The following SEC22B variants were observed in gnomAD, a reference collection of about 807,000 sequenced individuals.
SEC22B encodes the protein vesicle-trafficking protein SEC22b.
SEC22B carries 10 observed loss-of-function variants against 31.4 expected under a neutral mutation model. The ratio of observed to expected loss-of-function variants is 0.32; its 90% CI spans 0.20 to 0.54. SEC22B has a LOEUF of 0.54. Ranked by LOEUF, SEC22B falls within the 20% of genes least tolerant of loss-of-function variation. The pLI, the probability that SEC22B is intolerant of heterozygous loss-of-function variation, is 0.94. For synonymous variants in SEC22B, 60 were observed against 95.9 expected (o/e 0.63, Z 2.19); for missense variants, 130 against 263.4 (o/e 0.49, Z 3.50).
At position 120,152,860 on chromosome 1, in the gene SEC22B, C is replaced by T. The variant is rs1339339707; in HGVS notation, c.*4178G>A. Reference sequence around the variant, plus strand: ...AAATAATAATTTGGTATCTAGCAGGCCTGGATTTGAATCTACTTTAACTTG... The same window carrying T: ...AAATAATAATTTGGTATCTAGCAGGTCTGGATTTGAATCTACTTTAACTTG... On this transcript the variant is annotated 3_prime_UTR_variant, in exon 5 of 5. Coordinates refer to ENST00000578049, the MANE Select transcript of SEC22B (RefSeq NM_004892.6). 3 of 144,634 alleles carry T rather than the reference C, an allele frequency of 2.1e-5. No individual in the cohort carries two copies. In the East Asian group the frequency reaches 6.0e-4, roughly 29 times the overall value. The allele number at this position is 144,634 out of a possible 1,614,324, so 9.0% of individuals were successfully genotyped here. A position where few individuals can be genotyped will look rare whatever the true frequency, so the allele number is the denominator to read the frequency against.
intron 1 of SEC22B, 126 bp from the exon 2 acceptor site, chr1:120,169,075 C>T (rs1236443213): frequency 7.5e-5 from 28 of 373,452 alleles, no homozygotes; most frequent in Admixed American, 1.4e-4. Flanking sequence ...TTCATTTTAA[C>T]GGAGGAAAGA....
At chr1:120,160,986 C>G (rs1457152818) in intron 3 of SEC22B, among the ~76,000 whole-genome samples, 1 of 151,834 alleles carries the variant, frequency 6.6e-6, no homozygotes, top group African/African-American at 2.4e-5. Flanking sequence ...ATATCAAAAT[C>G]TAGGCTTTGA....
intron 2 of SEC22B, among the ~76,000 whole-genome samples, chr1:120,168,588 C>G (rs1657848054): frequency 6.6e-6 from 1 of 150,782 alleles, no homozygotes; most frequent in African/African-American, 2.5e-5. Flanking sequence ...CAAGACAGTC[C>G]TAAAGCAAGA....
At chr1:120,174,186 G>A in intron 1 of SEC22B, among the ~76,000 whole-genome samples, 1 of 152,088 alleles carries the variant, frequency 6.6e-6, no homozygotes, top group Non-Finnish European at 1.5e-5. Flanking sequence ...TCCTCTCTAA[G>A]CCTCAGAGCT....
chr1:120,171,078 T>G (rs1363499048), intron 1 of SEC22B, among the ~76,000 whole-genome samples: 1 of 131,702 alleles, frequency 7.6e-6, no homozygotes, highest in Non-Finnish European at 1.5e-5. Flanking sequence ...AACCTTGGCT[T>G]CACAATAGAA....
rs1570864183 is a variant in SEC22B, at chr1:120,155,768, T to A, written c.*1270A>T. On this transcript the variant is annotated 3_prime_UTR_variant, in exon 5 of 5. Transcript: ENST00000578049. ...ATATTTAAAAGGCCTATTTTCCCCA[T>A]TAAAAAATTCTACCTCAGAAGGTAA... 1.3e-5 allele frequency: 2 copies of A among 152,078 alleles called. No homozygotes were observed. Among genetic ancestry groups the A allele is most frequent in the African/African-American group, 4.8e-5 (2 of 41,444 alleles). 9.4% of individuals were successfully genotyped at this position (152,078 alleles called of 1,614,324 possible). A position where few individuals can be genotyped will look rare whatever the true frequency, so the allele number is the denominator to read the frequency against.
At position 120,153,826 on chromosome 1, in the gene SEC22B, T is replaced by C. The variant is rs1553229028; in HGVS notation, c.*3212A>G. The stretch of plus-strand genomic sequence containing the variant: ...AGTCTTTGAACAGCCTGAAACAGTA[T>C]GTGATACTTGATGTGCATGTACACA... On this transcript the variant is annotated 3_prime_UTR_variant, in exon 5 of 5. Transcript: ENST00000578049. The C allele has an allele frequency of 7.0e-6, 1 of 143,148 alleles. No homozygotes were observed. Among genetic ancestry groups the C allele is most frequent in the Non-Finnish European group, 1.5e-5 (1 of 66,382 alleles). The allele number at this position is 143,148 out of a possible 1,614,324, so 8.9% of individuals were successfully genotyped here.
intron 1 of SEC22B, among the ~76,000 whole-genome samples, chr1:120,169,602 T>C (rs1657864972): frequency 6.6e-6 from 1 of 150,528 alleles, no homozygotes; most frequent in African/African-American, 2.4e-5. Flanking sequence ...AGCATTCACA[T>C]GTTATAATTA....
intron 2 of SEC22B, among the ~76,000 whole-genome samples, chr1:120,166,852 G>C (rs1320153095): frequency 1.4e-4 from 18 of 133,290 alleles, no homozygotes; most frequent in Non-Finnish European, 2.8e-4. Context: ...ACTCTGATTT[G>C]ATTACACATT....
chr1:120,175,870 C>A (rs1657952406), intron 1 of SEC22B, among the ~76,000 whole-genome samples: 3 of 152,180 alleles, frequency 2.0e-5, no homozygotes, highest in Non-Finnish European at 2.9e-5. Context: ...TATTACCTCA[C>A]CCACTTTCAA....
At chr1:120,161,682 G>C in intron 3 of SEC22B, among the ~76,000 whole-genome samples, 2 of 151,990 alleles carry the variant, frequency 1.3e-5, no homozygotes. Flanking sequence ...CTGGGCAATA[G>C]AGCGAGACTC....
intron 4 of SEC22B, chr1:120,157,725 T>C (rs1455710486): frequency 6.8e-6 from 1 of 147,188 alleles, no homozygotes; most frequent in Non-Finnish European, 1.5e-5. Context: ...AACCAGAAAA[T>C]TCAATTAACC....
chr1:120,170,435 C>A (rs1657877710), intron 1 of SEC22B, among the ~76,000 whole-genome samples: 2 of 144,318 alleles, frequency 1.4e-5, no homozygotes, highest in Admixed American at 1.3e-4. Flanking sequence ...GATAAAGTGG[C>A]AGATCAGCAA....
intron 2 of SEC22B, among the ~76,000 whole-genome samples, chr1:120,167,406 C>T (rs1478256286): frequency 0.19 from 29,243 of 151,734 alleles, 3,289 homozygotes; most frequent in Non-Finnish European, 0.26. Context: ...TTTTTCTAAC[C>T]GTTAATGCTC....
At chr1:120,159,573 A>C (rs1459527249) in intron 4 of SEC22B, among the ~76,000 whole-genome samples, 11 of 149,844 alleles carry the variant, frequency 7.3e-5, no homozygotes, top group Non-Finnish European at 1.5e-4. Context: ...GGTAAGAGGT[A>C]TTTAATAAAT....
In SEC22B at chr1:120,156,186, C is replaced by T. The variant is rs1175309150; in HGVS notation, c.*852G>A. ...AAAGTAAAGAAGGGGCAGGAGAAAG[C>T]TGTAATTATAACCTGGGCCTGCCTT... is the stretch of plus-strand genomic sequence containing the variant. On this transcript the variant is annotated 3_prime_UTR_variant, in exon 5 of 5. Coordinates refer to ENST00000578049, the MANE Select transcript of SEC22B (RefSeq NM_004892.6). The T allele has an allele frequency of 6.6e-6, 1 of 151,860 alleles. No individual in the cohort carries two copies. The highest frequency in any genetic ancestry group is 2.4e-5 in the African/African-American group (1 of 41,378). 9.4% of individuals were successfully genotyped at this position (151,860 alleles called of 1,614,324 possible). A position where few individuals can be genotyped will look rare whatever the true frequency, so the allele number is the denominator to read the frequency against.
intron 2 of SEC22B, among the ~76,000 whole-genome samples, chr1:120,165,206 C>A (rs1657787833): frequency 6.6e-6 from 1 of 151,996 alleles, no homozygotes; most frequent in Admixed American, 6.6e-5. Flanking sequence ...TAAACTCTTT[C>A]CAGCCACAAA....
At chr1:120,167,587 TA>T in intron 2 of SEC22B, among the ~76,000 whole-genome samples, 1 of 152,162 alleles carries the variant, frequency 6.6e-6, no homozygotes, top group South Asian at 2.1e-4. Context: ...ACATTTCATT[TA>T]AATCTAATTT....
Position 120,151,001 on chromosome 1 carries a change from GA to G in SEC22B, c.*6036del, listed in dbSNP as rs1657521473. ...GGAGAACCCAGTCTCAGTGTCAAGAGAAAGATGTTAATCCATCTTAGCAACC... is the reference window on the plus strand; with the variant it reads ...GGAGAACCCAGTCTCAGTGTCAAGAGAAGATGTTAATCCATCTTAGCAACC... On this transcript the variant is annotated 3_prime_UTR_variant, in exon 5 of 5. Transcript: ENST00000578049. 1 of 152,182 alleles carries G rather than the reference GA, an allele frequency of 6.6e-6. No individual in the cohort carries two copies. The highest frequency in any genetic ancestry group is 1.5e-5 in the Non-Finnish European group (1 of 68,034). 9.4% of individuals were successfully genotyped at this position (152,182 alleles called of 1,614,324 possible). A position where few individuals can be genotyped will look rare whatever the true frequency, so the allele number is the denominator to read the frequency against.
Sources: gnomAD v4.1 joint callset for allele counts (sites outside exome capture counted in the v4.1 genomes callset) on GRCh38, gnomAD v4.1.1 for gene constraint, MANE v1.5 for transcripts, NCBI Gene and HGNC (gene_info 2026-07-23, HGNC 2026-07-21) for gene names.